DEUP1: variants seen among roughly 807,000 people sequenced by gnomAD.
DEUP1 encodes the protein deuterosome assembly protein 1, also known as coiled-coil domain containing 67.
Under a neutral mutation model 87.4 loss-of-function variants are expected in DEUP1, and 82 were observed. That is an observed-to-expected ratio of 0.94 (90% CI 0.78 to 1.13). The LOEUF (loss-of-function observed/expected upper bound fraction) is 1.13, where lower values mean the gene tolerates loss of function less well. DEUP1 is among the 50% of genes most tolerant of loss of function. The pLI, the probability that DEUP1 is intolerant of heterozygous loss-of-function variation, is 0.00. For synonymous variants in DEUP1, 214 were observed against 222.7 expected, an observed-to-expected ratio of 0.96 and a Z score of 0.35; for missense variants, 663 against 681.5, an observed-to-expected ratio of 0.97 and a Z score of 0.30.
chr11:93,346,700 G>T (rs1944367234), intron 2 of DEUP1, among the ~76,000 whole-genome samples: 1 of 152,106 alleles, frequency 6.6e-6, no homozygotes, highest in Non-Finnish European at 1.5e-5. Context: ...CCATTTGTTT[G>T]TGTCATCTCT....
chr11:93,356,846 G>C (rs1944921966), intron 3 of DEUP1, 102 bp from the exon 4 acceptor site: 1 of 724,124 alleles, frequency 1.4e-6, no homozygotes, highest in African/African-American at 1.8e-5. Context: ...CTCTTGGTTT[G>C]GTACAGCCAT....
At chr11:93,343,863 T>C (rs184259828) in intron 2 of DEUP1, among the ~76,000 whole-genome samples, 16 of 152,230 alleles carry the variant, frequency 1.1e-4, no homozygotes, top group Admixed American at 2.0e-4. Flanking sequence ...AATAATGAGG[T>C]TTATACCTTA....
At chr11:93,390,911 G>A (rs1187950638) in intron 9 of DEUP1, among the ~76,000 whole-genome samples, 2 of 151,900 alleles carry the variant, frequency 1.3e-5, no homozygotes, top group African/African-American at 2.4e-5. Context: ...GTGAAACCCC[G>A]TCTCTACTAA....
At chr11:93,332,102 C>T in intron 1 of DEUP1, 114 bp from the exon 2 acceptor site, 1 of 580,710 alleles carries the variant, frequency 1.7e-6, no homozygotes, top group East Asian at 2.9e-5. Context: ...GGATCAAGAG[C>T]TACTACACAG....
intron 11 of DEUP1, among the ~76,000 whole-genome samples, chr11:93,396,659 C>G (rs993339450): frequency 1.3e-5 from 2 of 152,160 alleles, no homozygotes; most frequent in Non-Finnish European, 2.9e-5. Context: ...TTCCCCTCAA[C>G]GAAGCCACCC....
intron 12 of DEUP1, among the ~76,000 whole-genome samples, chr11:93,413,521 C>T (rs905450809): frequency 2.0e-5 from 3 of 152,186 alleles, no homozygotes; most frequent in African/African-American, 7.2e-5. Context: ...GGATTACAGG[C>T]GTGAGCCACT....
intron 9 of DEUP1, among the ~76,000 whole-genome samples, chr11:93,389,603 A>G (rs1427301896): frequency 1.3e-5 from 2 of 152,058 alleles, no homozygotes; most frequent in Non-Finnish European, 1.5e-5. Flanking sequence ...ATCCTACTTC[A>G]TTTATTCCTC....
At chr11:93,383,550 T>A in intron 7 of DEUP1, 1 of 657,908 alleles carries the variant, frequency 1.5e-6, no homozygotes, top group Non-Finnish European at 2.8e-6. Flanking sequence ...AGTGGTGATG[T>A]TCAACTTTGT....
intron 9 of DEUP1, among the ~76,000 whole-genome samples, chr11:93,392,603 C>G (rs1042728827): frequency 2.0e-5 from 3 of 151,882 alleles, no homozygotes; most frequent in Non-Finnish European, 4.4e-5. Context: ...TGAATACTGC[C>G]TAGATACTTG....
chr11:93,435,265 T>C (rs1277711357), intron 13 of DEUP1, among the ~76,000 whole-genome samples: 2 of 152,034 alleles, frequency 1.3e-5, no homozygotes, highest in Non-Finnish European at 2.9e-5. Flanking sequence ...TATCAAGAGC[T>C]CAGCTTTGGT....
rs959973816 is a variant in DEUP1, at chr11:93,364,363, C to G, written c.432+69C>G. 7 of 1,351,704 alleles carry G rather than the reference C, an allele frequency of 5.2e-6. 1 individual carries two copies. Among genetic ancestry groups the G allele is most frequent in the Non-Finnish European group, 7.3e-6 (7 of 953,454 alleles). 83.7% of individuals were successfully genotyped at this position (1,351,704 alleles called of 1,614,324 possible). A position where few individuals can be genotyped will look rare whatever the true frequency, so the allele number is the denominator to read the frequency against. On this transcript the variant is annotated intron_variant, in intron 5 of 13. Coordinates refer to ENST00000298050, the MANE Select transcript of DEUP1 (RefSeq NM_181645.4). The stretch of plus-strand genomic sequence containing the variant: ...ATTCCTATTGTTGTGGGCTATTTGT[C>G]TCTAGTGTCCACAATGGTGTCTTCA...
At chr11:93,428,181 A>T (rs566869247) in intron 13 of DEUP1, among the ~76,000 whole-genome samples, 29 of 152,158 alleles carry the variant, frequency 1.9e-4, no homozygotes, top group Non-Finnish European at 7.4e-5. Flanking sequence ...AATAGCAAAG[A>T]CTTGGAACCA....
chr11:93,338,674 G>T (rs1002410556), intron 2 of DEUP1, among the ~76,000 whole-genome samples: 1 of 152,052 alleles, frequency 6.6e-6, no homozygotes, highest in African/African-American at 2.4e-5. Flanking sequence ...CAAAGTGCTA[G>T]AATTACAGGC....
At chr11:93,402,402 T>C (rs913087787) in intron 11 of DEUP1, among the ~76,000 whole-genome samples, 1 of 152,072 alleles carries the variant, frequency 6.6e-6, no homozygotes, top group African/African-American at 2.4e-5. Context: ...TCATACACTG[T>C]TGGTGGGAAT....
At chr11:93,384,379 C>T (rs1212761904) in intron 7 of DEUP1, among the ~76,000 whole-genome samples, 1 of 152,200 alleles carries the variant, frequency 6.6e-6, no homozygotes, top group Non-Finnish European at 1.5e-5. Context: ...TGTCTGCATT[C>T]CATCTTCCTT....
At chr11:93,408,678 G>A (rs940603536) in intron 12 of DEUP1, among the ~76,000 whole-genome samples, 2 of 152,240 alleles carry the variant, frequency 1.3e-5, no homozygotes, top group African/African-American at 2.4e-5. Context: ...TGGAAGCTGA[G>A]GTGGTATACA....
intron 12 of DEUP1, among the ~76,000 whole-genome samples, chr11:93,410,822 C>G (rs1947414681): frequency 6.6e-6 from 1 of 152,142 alleles, no homozygotes. Context: ...CTAACAAAAA[C>G]AAGACAGTAG....
At chr11:93,368,321 G>A (rs934287136) in intron 5 of DEUP1, among the ~76,000 whole-genome samples, 7 of 152,188 alleles carry the variant, frequency 4.6e-5, no homozygotes, top group Non-Finnish European at 1.0e-4. Context: ...TCACAGTTCT[G>A]GAGGCTGGTA....
intron 9 of DEUP1, 40 bp downstream of exon 9, chr11:93,389,165 G>A: frequency 1.8e-6 from 2 of 1,109,574 alleles, no homozygotes; most frequent in Non-Finnish European, 2.6e-6. Context: ...AGGTAGATGT[G>A]AACTCTTTAC....
Sources: allele counts gnomAD v4.1 joint callset (sites outside exome capture counted in the v4.1 genomes callset), GRCh38; gene constraint gnomAD v4.1.1; transcripts MANE v1.5; gene names NCBI Gene and HGNC (gene_info 2026-07-23, HGNC 2026-07-21).